Variants in MLEC observed in about 807,000 individuals in gnomAD.
The protein encoded by MLEC is malectin, also known as oligosaccharyltransferase complex subunit (non-catalytic).
Under a neutral mutation model 28.7 loss-of-function variants are expected in MLEC, and 7 were observed. The observed-to-expected ratio is 0.24, with a 90% CI of 0.14 to 0.46. The LOEUF (loss-of-function observed/expected upper bound fraction) is 0.46. MLEC is among the 20% of genes least tolerant of loss of function. The probability of loss-of-function intolerance (pLI) is 0.99; values close to 1 mark genes in which losing one functional copy is unlikely to be tolerated. For synonymous variants in MLEC, 142 were observed against 164.4 expected, an observed-to-expected ratio of 0.86 and a Z score of 1.04; for missense variants, 237 against 391.1, an observed-to-expected ratio of 0.61 and a Z score of 3.32.
rs764238725 is a variant in MLEC at position 120,695,144 on chromosome 12, C to A, written c.641C>A (p.Thr214Lys). ...TGTGCACTCTACATCATGGCTGGGA[C>A]AGTGGATGGTAGGTTGTGTTCTGAC... Reference protein sequence around the residue: ...KVCALYIMAGTVDDVPKLQPH... With the variant: ...KVCALYIMAGKVDDVPKLQPH... The change falls in exon 4 of 5, where the codon ACA becomes AAA. Residue 214 changes from threonine (T) to lysine (K), a missense_variant. By Grantham distance (78) the Thr-to-Lys change is moderately conservative. Coordinates refer to ENST00000228506, the MANE Select transcript of MLEC (RefSeq NM_014730.4). 2 of 1,614,144 alleles carry A rather than the reference C, an allele frequency of 1.2e-6. No homozygotes were observed. The highest frequency in any genetic ancestry group is 1.7e-6 in the Non-Finnish European group (2 of 1,180,042).
chr12:120,689,847 G>T, intron 1 of MLEC, among the ~76,000 whole-genome samples: 1 of 152,310 alleles, frequency 6.6e-6, no homozygotes, highest in East Asian at 1.9e-4. Context: ...AATGAATTCA[G>T]GTATTTGTTA....
In MLEC at chr12:120,695,085, C is replaced by CT; in HGVS notation, c.592-6dup. 6.2e-7 allele frequency: 1 copy of CT among 1,614,150 alleles called. No homozygotes were observed. Among genetic ancestry groups the CT allele is most frequent in the African/African-American group, 1.3e-5 (1 of 75,028 alleles). On this transcript the variant is annotated splice_polypyrimidine_tract_variant and intron_variant, in intron 3 of 4. Coordinates refer to ENST00000228506, the MANE Select transcript of MLEC (RefSeq NM_014730.4). Reference sequence around the variant, plus strand: ...CTGTGTGGGGTTGACCACTGTTTCCCTTTTCCTAGGGGTACTATGACAATC... The same window carrying CT: ...CTGTGTGGGGTTGACCACTGTTTCCCTTTTTCCTAGGGGTACTATGACAATC...
chr12:120,696,544 G>A lies in MLEC; in HGVS notation c.878G>A (p.Ter293=). 2.5e-6 allele frequency: 4 copies of A among 1,614,156 alleles called. No homozygotes were observed. The highest frequency in any genetic ancestry group is 3.4e-6 in the Non-Finnish European group (4 of 1,180,032). The change falls in exon 5 of 5, where the codon TGA becomes TAA. Residue 293 remains the stop codon, a stop_retained_variant. Transcript: ENST00000228506. The surrounding 1 kb of genome is among the most constrained non-coding windows in gnomAD (Gnocchi z 5.4). ...IPTLFCLCRL[*] ...ACCCTCTTCTGCCTCTGCCGGTTGTGAGAACAAATGACTATCCTGAACAGG... is the reference window on the plus strand; with the variant it reads ...ACCCTCTTCTGCCTCTGCCGGTTGTAAGAACAAATGACTATCCTGAACAGG...
chr12:120,693,651 A>G (rs1882119272), intron 1 of MLEC, among the ~76,000 whole-genome samples: 1 of 152,212 alleles, frequency 6.6e-6, no homozygotes, highest in Admixed American at 6.5e-5. Flanking sequence ...TGAATGAGAG[A>G]AAACATTCTT....
chr12:120,692,503 A>G (rs1198162559), intron 1 of MLEC, among the ~76,000 whole-genome samples: 1 of 152,130 alleles, frequency 6.6e-6, no homozygotes, highest in Admixed American at 6.6e-5. Context: ...CCATTGTCTC[A>G]TCAGTCCCTC....
chr12:120,690,155 A>G (rs1323599433), intron 1 of MLEC, among the ~76,000 whole-genome samples: 1 of 151,612 alleles, frequency 6.6e-6, no homozygotes, highest in Non-Finnish European at 1.5e-5. Flanking sequence ...CAGGGTTTTT[A>G]TTTATTTATT....
intron 1 of MLEC, 192 bp from the exon 2 acceptor site, chr12:120,693,899 T>A (rs1882126342): frequency 5.8e-6 from 3 of 517,700 alleles, no homozygotes; most frequent in Non-Finnish European, 1.0e-5. Context: ...TTCATTTTAC[T>A]CTTCCATAGT....
Position 120,699,792 on chromosome 12 carries a change from A to G in MLEC, c.*3247A>G, listed in dbSNP as rs1882378552. 6.6e-6 allele frequency: 1 copy of G among 152,566 alleles called. No homozygotes were observed. Among genetic ancestry groups the G allele is most frequent in the African/African-American group, 2.4e-5 (1 of 41,424 alleles). The allele number at this position is 152,566 out of a possible 1,614,324, so 9.5% of individuals were successfully genotyped here. The stretch of plus-strand genomic sequence containing the variant: ...TCGTGTTCTCTTGCCCTCCCTGCCT[A>G]AGAGCTACTGGGATCACGTTAGCGG... On this transcript the variant is annotated 3_prime_UTR_variant, in exon 5 of 5. Transcript: ENST00000228506.
At position 120,694,795 on chromosome 12, in the gene MLEC, G is replaced by T; in HGVS notation, c.415-29G>T. ...GAAAGGATGTAAAGCTGATGGTTTT[G>T]ACATTGTTTTCTTTTCTTATCCTGG... On this transcript the variant is annotated intron_variant, in intron 2 of 4. Transcript: ENST00000228506. The surrounding 1 kb of genome is among the most constrained non-coding windows in gnomAD (Gnocchi z 4.5). 6.3e-7 allele frequency: 1 copy of T among 1,586,782 alleles called. No individual in the cohort carries two copies. The highest frequency in any genetic ancestry group is 1.1e-5 in the South Asian group (1 of 87,834).
chr12:120,693,208 A>G (rs768301570), intron 1 of MLEC, among the ~76,000 whole-genome samples: 3 of 152,242 alleles, frequency 2.0e-5, no homozygotes, highest in Non-Finnish European at 2.9e-5. Flanking sequence ...TAGGACTTGG[A>G]CATCTTAGGC....
Position 120,687,414 on chromosome 12 carries a change from G to A in MLEC, c.118G>A (p.Ala40Thr). ...CGGCGTGGCCGGCGTGGCCGGCGCG[G>A]CGGGGGCCGGGCTGCCCGAGAGCGT... is the stretch of plus-strand genomic sequence containing the variant. ...GLGVAGVAGA[A>T]GAGLPESVIW... The change falls in exon 1 of 5, where the codon GCG becomes ACG. Residue 40 changes from alanine to threonine, a missense_variant. Coordinates refer to ENST00000228506, the MANE Select transcript of MLEC (RefSeq NM_014730.4). This position sits in a 1 kb window ranked among gnomAD's most constrained non-coding sequence, Gnocchi z 8.1. The A allele has an allele frequency of 7.2e-7, 1 of 1,393,738 alleles. No individual in the cohort carries two copies. The highest frequency in any genetic ancestry group is 9.3e-7 in the Non-Finnish European group (1 of 1,075,534). The allele number at this position is 1,393,738 out of a possible 1,614,324, so 86.3% of individuals were successfully genotyped here. A position where few individuals can be genotyped will look rare whatever the true frequency, so the allele number is the denominator to read the frequency against.
chr12:120,689,846 A>G (rs921217665), intron 1 of MLEC, among the ~76,000 whole-genome samples: 2 of 152,252 alleles, frequency 1.3e-5, no homozygotes, highest in African/African-American at 4.8e-5. Flanking sequence ...GAATGAATTC[A>G]GGTATTTGTT....
intron 4 of MLEC, among the ~76,000 whole-genome samples, chr12:120,695,403 T>C (rs1473215949): frequency 6.6e-6 from 1 of 152,242 alleles, no homozygotes; most frequent in Non-Finnish European, 1.5e-5. Flanking sequence ...AATTTCCCTA[T>C]AAATTGGGAT....
At chr12:120,692,681 C>T (rs372936444) in intron 1 of MLEC, among the ~76,000 whole-genome samples, 8 of 149,974 alleles carry the variant, frequency 5.3e-5, no homozygotes, top group African/African-American at 2.0e-4. Context: ...AGCCCCTGGC[C>T]TTCTCCCAAA....
At chr12:120,691,597 A>C (rs73225025) in intron 1 of MLEC, among the ~76,000 whole-genome samples, 66 of 152,318 alleles carry the variant, frequency 4.3e-4, no homozygotes, top group Non-Finnish European at 7.5e-4. Flanking sequence ...TTTTAGAGAA[A>C]TCTGTTTCGC....
chr12:120,692,412 A>G (rs1882075694), intron 1 of MLEC, among the ~76,000 whole-genome samples: 4 of 152,130 alleles, frequency 2.6e-5, no homozygotes, highest in African/African-American at 9.7e-5. Flanking sequence ...CTTTGTATGC[A>G]TTGCTCAGCT....
At chr12:120,690,673 G>C (rs1380997240) in intron 1 of MLEC, among the ~76,000 whole-genome samples, 3 of 152,158 alleles carry the variant, frequency 2.0e-5, no homozygotes, top group Admixed American at 6.5e-5. Flanking sequence ...TTGGGGACCA[G>C]AGCCTATCAG....
chr12:120,689,706 C>T (rs1248038879), intron 1 of MLEC, among the ~76,000 whole-genome samples: 1 of 152,188 alleles, frequency 6.6e-6, no homozygotes, highest in Non-Finnish European at 1.5e-5. Context: ...TAAGGGTGTG[C>T]CAGGTATTTG....
chr12:120,688,924 A>G (rs376311055), intron 1 of MLEC, among the ~76,000 whole-genome samples: 6 of 152,344 alleles, frequency 3.9e-5, no homozygotes, highest in South Asian at 2.1e-4. Context: ...GGTCATTACT[A>G]TCTCTATCCT....
Sources: allele counts gnomAD v4.1 joint callset (sites outside exome capture counted in the v4.1 genomes callset), GRCh38; gene constraint gnomAD v4.1.1; non-coding constraint Gnocchi (gnomAD v3.1); transcripts MANE v1.5; gene names NCBI Gene and HGNC (gene_info 2026-07-23, HGNC 2026-07-21).